SNX7: variants seen among roughly 807,000 people sequenced by gnomAD.
SNX7 encodes sorting nexin-7.
A neutral mutation model predicts 48.4 loss-of-function variants in SNX7; 35 were observed. That is an observed-to-expected ratio of 0.72 (90% CI 0.55 to 0.96). The LOEUF is 0.96. SNX7 is among the 40% of genes least tolerant of loss of function. The probability of loss-of-function intolerance (pLI) is 0.00; values close to 1 mark genes in which losing one functional copy is unlikely to be tolerated. For missense variants in SNX7, 553 were observed against 548.9 expected (o/e 1.01, Z -0.07); for synonymous variants, 190 against 190.2 (o/e 1.00, Z 0.01).
At chr1:98,733,992 C>G (rs1653648195) in intron 7 of SNX7, among the ~76,000 whole-genome samples, 1 of 152,094 alleles carries the variant, frequency 6.6e-6, no homozygotes, top group Non-Finnish European at 1.5e-5. Flanking sequence ...TCATTTCCAG[C>G]CTTTACTGGT....
chr1:98,676,773 A>G lies in SNX7; in HGVS notation c.181-8112A>G, dbSNP rs549997649. Among the ~76,000 whole-genome samples, 6 of 152,354 alleles carry G rather than the reference A, an allele frequency of 3.9e-5. No homozygotes were observed. The South Asian group carries it at 1.2e-3, about 32-fold the overall frequency. ...ACATCAGAATTTATTACATTGTACT[A>G]TATTAATGCATTTGGATCTGAGATA... On this transcript the variant is annotated intron_variant, in intron 1 of 8. Transcript: ENST00000306121.
chr1:98,745,518 A>G (rs1216286549), intron 8 of SNX7, among the ~76,000 whole-genome samples: 1 of 152,036 alleles, frequency 6.6e-6, no homozygotes, highest in African/African-American at 2.4e-5. Context: ...AGCAGTCTAT[A>G]TCTTTGGAAC....
At chr1:98,662,789 T>G (rs1166008769) in intron 1 of SNX7, 5 of 1,289,398 alleles carry the variant, frequency 3.9e-6, no homozygotes, top group African/African-American at 1.5e-5. Context: ...AGAAGCCTGT[T>G]CATTTTAACG....
At chr1:98,753,848 A>G (rs1654705090) in intron 8 of SNX7, among the ~76,000 whole-genome samples, 1 of 152,056 alleles carries the variant, frequency 6.6e-6, no homozygotes, top group South Asian at 2.1e-4. Flanking sequence ...TTTTTTAAAG[A>G]TATACTTTGG....
chr1:98,681,953 C>T (rs948750236), intron 1 of SNX7, among the ~76,000 whole-genome samples: 2 of 151,396 alleles, frequency 1.3e-5, no homozygotes, highest in East Asian at 1.9e-4. Context: ...AAAGTTTTCT[C>T]ATCCCTCCTT....
At chr1:98,738,490 A>C (rs1653908719) in intron 8 of SNX7, 101 bp downstream of exon 8, 1 of 1,123,800 alleles carries the variant, frequency 8.9e-7, no homozygotes, top group Non-Finnish European at 1.3e-6. Flanking sequence ...CAAGTGTCAC[A>C]TTCTAATGCC....
intron 7 of SNX7, among the ~76,000 whole-genome samples, chr1:98,730,059 G>T (rs532367923): frequency 6.6e-6 from 1 of 152,136 alleles, no homozygotes. Context: ...AGCTTATCCA[G>T]CATGATCAAG....
intron 7 of SNX7, among the ~76,000 whole-genome samples, chr1:98,722,492 A>G (rs1652937435): frequency 6.6e-6 from 1 of 152,060 alleles, no homozygotes; most frequent in African/African-American, 2.4e-5. Context: ...GAATTTCAGA[A>G]TTTTCTATTG....
At chr1:98,694,397 T>G (rs1169300669) in intron 4 of SNX7, among the ~76,000 whole-genome samples, 1 of 150,494 alleles carries the variant, frequency 6.6e-6, no homozygotes, top group East Asian at 2.0e-4. Flanking sequence ...AAAAGTTTTC[T>G]CTGTAGACAG....
intron 5 of SNX7, 141 bp downstream of exon 5, chr1:98,695,857 C>T (rs1651428355): frequency 3.0e-6 from 2 of 662,936 alleles, no homozygotes; most frequent in Non-Finnish European, 5.3e-6. Flanking sequence ...ATGGACATTT[C>T]TGATTCCTAA....
At chr1:98,748,637 A>AACACACACACACACACACAC (rs58973289) in intron 8 of SNX7, among the ~76,000 whole-genome samples, 1 of 145,792 alleles carries the variant, frequency 6.9e-6, no homozygotes, top group East Asian at 2.1e-4. Context: ...AAATGATTTA[A>AACACACACACACACACACAC]ACACACACAC....
intron 2 of SNX7, among the ~76,000 whole-genome samples, 200 bp downstream of exon 2, chr1:98,685,267 A>G (rs893970014): frequency 3.9e-5 from 6 of 152,132 alleles, no homozygotes; most frequent in Non-Finnish European, 8.8e-5. Flanking sequence ...ATTCAACTTG[A>G]CTTGAGAAAT....
At chr1:98,736,381 C>T (rs958135589) in intron 7 of SNX7, among the ~76,000 whole-genome samples, 2 of 152,278 alleles carry the variant, frequency 1.3e-5, no homozygotes, top group Non-Finnish European at 2.9e-5. Context: ...GGCTCTCTAA[C>T]GTCCCTGAGG....
intron 8 of SNX7, among the ~76,000 whole-genome samples, chr1:98,744,021 T>C (rs940083746): frequency 6.6e-6 from 1 of 152,044 alleles, no homozygotes; most frequent in Non-Finnish European, 1.5e-5. Context: ...TATTGATATG[T>C]GCTCATCTGT....
chr1:98,740,626 T>C (rs1159476925), intron 8 of SNX7, among the ~76,000 whole-genome samples: 1 of 152,184 alleles, frequency 6.6e-6, no homozygotes, highest in Non-Finnish European at 1.5e-5. Flanking sequence ...TTTACCGTAC[T>C]TCTCACATAA....
At chr1:98,706,102 A>T (rs1651991091) in intron 7 of SNX7, among the ~76,000 whole-genome samples, 1 of 152,200 alleles carries the variant, frequency 6.6e-6, no homozygotes, top group African/African-American at 2.4e-5. Flanking sequence ...AGCAAAGTTA[A>T]TTGACTATTT....
At chr1:98,722,001 G>T (rs751352935) in intron 7 of SNX7, among the ~76,000 whole-genome samples, 2 of 152,012 alleles carry the variant, frequency 1.3e-5, no homozygotes, top group African/African-American at 2.4e-5. Flanking sequence ...ATTCTGAGGA[G>T]ATCTCTACCT....
chr1:98,699,752 A>G (rs990165722), intron 6 of SNX7, among the ~76,000 whole-genome samples: 2 of 152,150 alleles, frequency 1.3e-5, no homozygotes, highest in African/African-American at 4.8e-5. Context: ...TTTGTGTTTC[A>G]GCATGAGATC....
At chr1:98,729,132 G>A (rs1487665812) in intron 7 of SNX7, among the ~76,000 whole-genome samples, 2 of 152,154 alleles carry the variant, frequency 1.3e-5, no homozygotes, top group Non-Finnish European at 2.9e-5. Flanking sequence ...TCAAGACTAA[G>A]AAGCTCACTC....
Sources: gnomAD v4.1 joint callset for allele counts (sites outside exome capture counted in the v4.1 genomes callset) on GRCh38, gnomAD v4.1.1 for gene constraint, MANE v1.5 for transcripts, NCBI Gene and HGNC (gene_info 2026-07-23, HGNC 2026-07-21) for gene names.